MYH10: variants seen among roughly 807,000 people sequenced by gnomAD.
MYH10 encodes myosin-10.
In MYH10, 55 loss-of-function variants were observed where a neutral mutation model predicts 257.8. That is an observed-to-expected ratio of 0.21 (90% CI 0.17 to 0.27). The LOEUF (loss-of-function observed/expected upper bound fraction) is 0.27. Ranked by LOEUF, MYH10 falls within the 10% of genes least tolerant of loss-of-function variation. MYH10 has a pLI of 1.00. For synonymous variants in MYH10, 854 were observed against 921.7 expected (o/e 0.93, Z 1.33); for missense variants, 1,631 against 2,500.6 (o/e 0.65, Z 7.42).
rs578233389 is a variant in MYH10, at chr17:8,595,536, G to A, written c.503-6428C>T. Among the ~76,000 whole-genome samples the A allele has an allele frequency of 8.8e-5, 13 of 148,194 alleles. No individual in the cohort carries two copies. The East Asian group carries it at 2.4e-3, about 28-fold the overall frequency. On this transcript the variant is annotated intron_variant, in intron 3 of 42. Transcript: ENST00000360416. Reference sequence around the variant, plus strand: ...CAACCTCCGCCTCCCGGGTTCAAGCGATTCTCCTGCCTCAGCCTCCCAAGT... The same window carrying A: ...CAACCTCCGCCTCCCGGGTTCAAGCAATTCTCCTGCCTCAGCCTCCCAAGT...
intron 17 of MYH10, among the ~76,000 whole-genome samples, chr17:8,524,755 G>A (rs1304299146): frequency 3.3e-5 from 5 of 152,156 alleles, no homozygotes; most frequent in Non-Finnish European, 4.4e-5. Flanking sequence ...TTGTCCCTGT[G>A]TAATGTAGCA....
At position 8,490,657 on chromosome 17, in the gene MYH10, T is replaced by TG; in HGVS notation, c.4672-106dup. ...CCCACTCGTGGCATGCTGGCCACTTTGGTCCCCCTGGGCCGGCCCCCTGCC... is the reference window on the plus strand; with the variant it reads ...CCCACTCGTGGCATGCTGGCCACTTTGGGTCCCCCTGGGCCGGCCCCCTGCC... On this transcript the variant is annotated intron_variant, in intron 34 of 42. Coordinates refer to ENST00000360416, the MANE Select transcript of MYH10 (RefSeq NM_001256012.3). The surrounding 1 kb of genome is among the most constrained non-coding windows in gnomAD (Gnocchi z 4.1). 1 of 1,121,158 alleles carries TG rather than the reference T, an allele frequency of 8.9e-7. No homozygotes were observed. 69.5% of individuals were successfully genotyped at this position (1,121,158 alleles called of 1,614,324 possible). A position where few individuals can be genotyped will look rare whatever the true frequency, so the allele number is the denominator to read the frequency against.
chr17:8,513,718 C>A (rs1349344980), intron 22 of MYH10, 49 bp from the exon 23 acceptor site: 1 of 1,609,116 alleles, frequency 6.2e-7, no homozygotes, highest in East Asian at 2.2e-5. Context: ...CCAGCTCTTT[C>A]CTATGGGTTT....
intron 17 of MYH10, 69 bp downstream of exon 17, chr17:8,530,554 C>G: frequency 9.2e-7 from 1 of 1,089,088 alleles, no homozygotes; most frequent in Non-Finnish European, 1.3e-6. Flanking sequence ...CTGCCAGTCC[C>G]CCCACACGTT....
chr17:8,549,405 C>T (rs569967139), intron 9 of MYH10, among the ~76,000 whole-genome samples: 12 of 152,278 alleles, frequency 7.9e-5, no homozygotes, highest in East Asian at 1.9e-4. Context: ...ACTACTGTAC[C>T]GTAGGAGACA....
In MYH10 at chr17:8,552,034, T is replaced by G. The variant is rs1335191288; in HGVS notation, c.919+12A>C. On this transcript the variant is annotated intron_variant, in intron 9 of 42. Coordinates refer to ENST00000360416, the MANE Select transcript of MYH10 (RefSeq NM_001256012.3). This position sits in a 1 kb window ranked among gnomAD's most constrained non-coding sequence, Gnocchi z 4.8. ...CAGTGAATATAAAATAGTAAAAACC[T>G]TTGTAACTTACACTTTAGGTGTTCT... 7.1e-7 allele frequency: 1 copy of G among 1,405,934 alleles called. No homozygotes were observed. The highest frequency in any genetic ancestry group is 2.4e-5 in the East Asian group (1 of 41,216). 87.1% of individuals were successfully genotyped at this position (1,405,934 alleles called of 1,614,324 possible). A position where few individuals can be genotyped will look rare whatever the true frequency, so the allele number is the denominator to read the frequency against.
chr17:8,583,566 G>C (rs79231926), intron 4 of MYH10, among the ~76,000 whole-genome samples: 2,903 of 152,258 alleles, frequency 0.019, 49 homozygotes, highest in Non-Finnish European at 0.025. Context: ...TCATGGCAGA[G>C]CTGGGAGAAG....
At chr17:8,543,042 C>T (rs192362997) in intron 13 of MYH10, among the ~76,000 whole-genome samples, 91 of 152,180 alleles carry the variant, frequency 6.0e-4, no homozygotes, top group South Asian at 3.1e-3. Context: ...ATTGATTGGG[C>T]GAATGCATAG....
intron 30 of MYH10, among the ~76,000 whole-genome samples, chr17:8,498,519 C>T (rs1917018520): frequency 6.6e-6 from 1 of 152,112 alleles, no homozygotes; most frequent in South Asian, 2.1e-4. Context: ...AGTTTTAAGG[C>T]TCGTGATCTA....
chr17:8,500,559 T>C (rs924314627), intron 29 of MYH10, among the ~76,000 whole-genome samples: 1 of 152,204 alleles, frequency 6.6e-6, no homozygotes, highest in Admixed American at 6.5e-5. Context: ...GAGAAGGGTT[T>C]AGTGAGAAGA....
chr17:8,476,144 G>A (rs535321147), intron 42 of MYH10, among the ~76,000 whole-genome samples, 196 bp from the exon 43 acceptor site: 2 of 152,316 alleles, frequency 1.3e-5, no homozygotes, highest in South Asian at 2.1e-4. Flanking sequence ...TGCAGAGTAC[G>A]CGAAGCAGGG....
intron 3 of MYH10, among the ~76,000 whole-genome samples, chr17:8,602,100 C>T (rs754461256): frequency 7.2e-5 from 11 of 152,082 alleles, no homozygotes; most frequent in African/African-American, 2.2e-4. Context: ...CTCAGCCTCC[C>T]GAGTAGCTGG....
At chr17:8,565,836 T>C (rs2083148553) in intron 7 of MYH10, among the ~76,000 whole-genome samples, 1 of 152,242 alleles carries the variant, frequency 6.6e-6, no homozygotes, top group Admixed American at 6.5e-5. Flanking sequence ...AATAGGTTTC[T>C]ATCAGACTTG....
intron 4 of MYH10, 33 bp downstream of exon 4, chr17:8,589,048 A>G (rs753031364): frequency 1.2e-6 from 2 of 1,610,738 alleles, no homozygotes; most frequent in South Asian, 2.2e-5. Context: ...CAAGAAAATC[A>G]AAAACAAATC....
At chr17:8,582,493 G>A (rs919318062) in intron 4 of MYH10, among the ~76,000 whole-genome samples, 2 of 152,228 alleles carry the variant, frequency 1.3e-5, no homozygotes, top group African/African-American at 4.8e-5. Context: ...TCCCAGCATC[G>A]TGCTCTTTTG....
At chr17:8,605,162 A>G (rs565932787) in intron 2 of MYH10, among the ~76,000 whole-genome samples, 180 bp from the exon 3 acceptor site, 88 of 152,314 alleles carry the variant, frequency 5.8e-4, no homozygotes, top group African/African-American at 2.1e-3. Flanking sequence ...ATGAACCACA[A>G]GTAGTTCTCC....
intron 4 of MYH10, among the ~76,000 whole-genome samples, chr17:8,580,942 C>A (rs2083682039): frequency 6.6e-6 from 1 of 152,080 alleles, no homozygotes; most frequent in Non-Finnish European, 1.5e-5. Flanking sequence ...GACAGCCCCT[C>A]CTCTAGATAT....
intron 6 of MYH10, 144 bp downstream of exon 6, chr17:8,576,499 T>TA (rs1219813683): frequency 6.6e-6 from 5 of 753,620 alleles, no homozygotes; most frequent in Non-Finnish European, 1.1e-5. Context: ...AATAAGGCTC[T>TA]AAGCAATAAA....
Position 8,519,030 on chromosome 17 carries a change from G to A in MYH10, c.2274-80C>T, listed in dbSNP as rs924635145. The stretch of plus-strand genomic sequence containing the variant: ...CTACTAACTGTGTGTTTTGCTCTAA[G>A]AGGCAATAAAATGTTGGGTAATACA... On this transcript the variant is annotated intron_variant, in intron 19 of 42. Transcript: ENST00000360416. 4 of 1,109,030 alleles carry A rather than the reference G, an allele frequency of 3.6e-6. No homozygotes were observed. The African/African-American group carries it at 6.3e-5, about 18-fold the overall frequency. 68.7% of individuals were successfully genotyped at this position (1,109,030 alleles called of 1,614,324 possible). A position where few individuals can be genotyped will look rare whatever the true frequency, so the allele number is the denominator to read the frequency against.
Sources: allele counts gnomAD v4.1 joint callset (sites outside exome capture counted in the v4.1 genomes callset), GRCh38; gene constraint gnomAD v4.1.1; non-coding constraint Gnocchi (gnomAD v3.1); transcripts MANE v1.5; gene names NCBI Gene and HGNC (gene_info 2026-07-23, HGNC 2026-07-21).